Variants in DDAH1 observed in about 807,000 individuals in gnomAD.
The protein encoded by DDAH1 is N(G),N(G)-dimethylarginine dimethylaminohydrolase 1.
A neutral mutation model predicts 28.8 loss-of-function variants in DDAH1; 19 were observed. The observed-to-expected ratio is 0.66, with a 90% CI of 0.46 to 0.97. The LOEUF (loss-of-function observed/expected upper bound fraction) is 0.97. DDAH1 is among the 50% of genes least tolerant of loss of function. The pLI is 0.00. For synonymous variants in DDAH1, 153 were observed against 154.4 expected (o/e 0.99, Z 0.07); for missense variants, 326 against 375.9 (o/e 0.87, Z 1.10).
chr1:85,381,922 G>A (rs1318426847), intron 1 of DDAH1, among the ~76,000 whole-genome samples: 1 of 152,098 alleles, frequency 6.6e-6, no homozygotes, highest in Non-Finnish European at 1.5e-5. Flanking sequence ...CCATTGACTG[G>A]TTTGTTTCCG....
At chr1:85,517,714 C>T (rs1272736565) in intron 1 of DDAH1, among the ~76,000 whole-genome samples, 20 of 152,226 alleles carry the variant, frequency 1.3e-4, no homozygotes, top group African/African-American at 4.6e-4. Flanking sequence ...ACATCACCCA[C>T]CTTCTAGAGT....
intron 4 of DDAH1, among the ~76,000 whole-genome samples, chr1:85,326,015 T>C (rs1032035593): frequency 2.0e-5 from 3 of 152,228 alleles, no homozygotes; most frequent in African/African-American, 7.2e-5. Flanking sequence ...ATGTGCTTCA[T>C]ATTACTAGGC....
At chr1:85,498,280 G>A (rs974555540) in intron 1 of DDAH1, among the ~76,000 whole-genome samples, 2 of 152,134 alleles carry the variant, frequency 1.3e-5, no homozygotes, top group African/African-American at 2.4e-5. Flanking sequence ...CTTCACATAC[G>A]ACATTTGGAA....
In DDAH1 at chr1:85,351,596, G is replaced by C. The variant is rs751466907; in HGVS notation, c.404-17C>G. On this transcript the variant is annotated splice_polypyrimidine_tract_variant and intron_variant, in intron 2 of 5. Coordinates refer to ENST00000284031, the MANE Select transcript of DDAH1 (RefSeq NM_012137.4). ...ATTCTCTGCCTGTAATAGATGTCATGGAACATAGTGAGCAGGTGGCACCAG... is the reference window on the plus strand; with the variant it reads ...ATTCTCTGCCTGTAATAGATGTCATCGAACATAGTGAGCAGGTGGCACCAG... The C allele has an allele frequency of 6.2e-6, 10 of 1,602,888 alleles. No homozygotes were observed. In the African/African-American group the frequency reaches 1.1e-4, roughly 17 times the overall value.
chr1:85,344,131 C>T (rs1424847751), intron 4 of DDAH1, among the ~76,000 whole-genome samples: 2 of 152,176 alleles, frequency 1.3e-5, no homozygotes, highest in Non-Finnish European at 2.9e-5. Context: ...ATTTAAGCTC[C>T]ATTTACATGA....
In DDAH1 at chr1:85,464,810, T is replaced by C; in HGVS notation, c.236A>G (p.Asp79Gly). The C allele has an allele frequency of 6.3e-7, 1 of 1,586,094 alleles. No individual in the cohort carries two copies. The highest frequency in any genetic ancestry group is 8.5e-7 in the Non-Finnish European group (1 of 1,173,446). ...CGTCTCCTCGCACACCACGGCCACGTCCTCCACGAAGACGCAGTCCGGAAG... is the reference window on the plus strand; with the variant it reads ...CGTCTCCTCGCACACCACGGCCACGCCCTCCACGAAGACGCAGTCCGGAAG... ...ESLPDCVFVEDVAVVCEETAL... is the reference protein window; with the variant it reads ...ESLPDCVFVEGVAVVCEETAL... Residue 79 changes from aspartate to glycine, a missense_variant, in exon 1 of 6, where the codon GAC becomes GGC. By Grantham distance (94) the Asp-to-Gly change is moderately conservative (BLOSUM62 -1). Coordinates refer to ENST00000284031, the MANE Select transcript of DDAH1 (RefSeq NM_012137.4). The surrounding 1 kb of genome is among the most constrained non-coding windows in gnomAD (Gnocchi z 4.4).
chr1:85,400,203 T>C (rs1175899224), intron 1 of DDAH1, among the ~76,000 whole-genome samples: 2 of 89,100 alleles, frequency 2.2e-5, no homozygotes, highest in African/African-American at 9.3e-5. Flanking sequence ...TTTTTTTTTT[T>C]TTTTTGAGAC....
chr1:85,346,179 A>G (rs544498640), intron 4 of DDAH1, among the ~76,000 whole-genome samples: 4,524 of 152,296 alleles, frequency 0.03, 219 homozygotes, highest in African/African-American at 0.1. Context: ...GCAGTGACAG[A>G]GGTGAGAAGT....
intron 2 of DDAH1, among the ~76,000 whole-genome samples, chr1:85,478,043 G>T (rs184903500): frequency 6.6e-6 from 1 of 152,052 alleles, no homozygotes; most frequent in African/African-American, 2.4e-5. Flanking sequence ...AATTAGAAAA[G>T]CCTTTAAAGA....
chr1:85,526,483 G>A (rs1419392950), intron 1 of DDAH1, among the ~76,000 whole-genome samples: 1 of 152,158 alleles, frequency 6.6e-6, no homozygotes, highest in Non-Finnish European at 1.5e-5. Flanking sequence ...CAGAGCGCCC[G>A]GATCTAGGTG....
intron 1 of DDAH1, among the ~76,000 whole-genome samples, chr1:85,513,655 G>GA (rs1373649919): frequency 6.6e-6 from 1 of 151,200 alleles, no homozygotes; most frequent in Non-Finnish European, 1.5e-5. Flanking sequence ...AAATTTACAA[G>GA]AAAAAAAACA....
At chr1:85,533,795 G>A (rs568023554) in intron 1 of DDAH1, among the ~76,000 whole-genome samples, 3,002 of 152,214 alleles carry the variant, frequency 0.02, 89 homozygotes, top group African/African-American at 0.068. Context: ...TACCTCATAA[G>A]GTTGCTTGCT....
chr1:85,413,274 CTG>C (rs1652743028), intron 1 of DDAH1, among the ~76,000 whole-genome samples: 1 of 152,216 alleles, frequency 6.6e-6, no homozygotes, highest in South Asian at 2.1e-4. Flanking sequence ...TCCTATGAAC[CTG>C]TGCCTTAGCA....
Position 85,464,712 on chromosome 1 carries a change from C to A in DDAH1, c.303+31G>T, listed in dbSNP as rs1232432980. ...GCGGCGGGGGAGGGCCTGGCGCGCG[C>A]CCCGGCCGCGCCCCTCGAGTCGGCA... On this transcript the variant is annotated intron_variant, in intron 1 of 5. Transcript: ENST00000284031. This position sits in a 1 kb window ranked among gnomAD's most constrained non-coding sequence, Gnocchi z 4.4. 2 of 1,444,758 alleles carry A rather than the reference C, an allele frequency of 1.4e-6. No individual in the cohort carries two copies. The highest frequency in any genetic ancestry group is 2.1e-4 in the Middle Eastern group (1 of 4,804). The allele number at this position is 1,444,758 out of a possible 1,614,324, so 89.5% of individuals were successfully genotyped here. A position where few individuals can be genotyped will look rare whatever the true frequency, so the allele number is the denominator to read the frequency against.
chr1:85,510,145 G>A (rs1657172615), intron 1 of DDAH1, among the ~76,000 whole-genome samples: 1 of 152,200 alleles, frequency 6.6e-6, no homozygotes, highest in African/African-American at 2.4e-5. Flanking sequence ...ACTAACAGCA[G>A]ATCACTCAGC....
intron 1 of DDAH1, among the ~76,000 whole-genome samples, chr1:85,530,270 C>G (rs1463474836): frequency 6.6e-6 from 1 of 152,140 alleles, no homozygotes; most frequent in African/African-American, 2.4e-5. Flanking sequence ...AATCCAGTCC[C>G]CATATACTAA....
At chr1:85,332,337 G>T (rs933653766) in intron 4 of DDAH1, among the ~76,000 whole-genome samples, 3 of 152,176 alleles carry the variant, frequency 2.0e-5, no homozygotes, top group African/African-American at 4.8e-5. Context: ...ACTGGGGAGG[G>T]TGATCCTGGG....
chr1:85,394,372 G>T (rs535028646), intron 1 of DDAH1, among the ~76,000 whole-genome samples: 1 of 152,308 alleles, frequency 6.6e-6, no homozygotes, highest in South Asian at 2.1e-4. Context: ...ACACTCACCA[G>T]AAGCTGACCA....
intron 1 of DDAH1, among the ~76,000 whole-genome samples, chr1:85,549,250 C>A (rs1557751368): frequency 6.6e-6 from 1 of 152,190 alleles, no homozygotes; most frequent in African/African-American, 2.4e-5. Context: ...TTACACTACA[C>A]CACTCTAAAT....
Sources: gnomAD v4.1 joint callset for allele counts (sites outside exome capture counted in the v4.1 genomes callset) on GRCh38, gnomAD v4.1.1 for gene constraint, Gnocchi (gnomAD v3.1) non-coding constraint, MANE v1.5 for transcripts, NCBI Gene and HGNC (gene_info 2026-07-23, HGNC 2026-07-21) for gene names.